SOX5: variants seen among roughly 807,000 people sequenced by gnomAD.
SOX5 encodes the protein SRY-box transcription factor 5, also known as transcription factor SOX-5.
SOX5 carries 9 observed loss-of-function variants against 92.0 expected under a neutral mutation model. The observed-to-expected ratio is 0.10, with a 90% CI of 0.06 to 0.17. SOX5 has a LOEUF of 0.17. SOX5 is among the 10% of genes least tolerant of loss of function. The pLI is 1.00. For missense variants in SOX5, 642 were observed against 944.5 expected, an observed-to-expected ratio of 0.68 and a Z score of 4.20; for synonymous variants, 344 against 336.3, an observed-to-expected ratio of 1.02 and a Z score of -0.25.
intron 4 of SOX5, among the ~76,000 whole-genome samples, chr12:24,153,009 C>T (rs1274757735): frequency 4.6e-5 from 7 of 152,088 alleles, no homozygotes; most frequent in East Asian, 1.9e-4. Flanking sequence ...AGTGTTCTCA[C>T]GCCCTATGTG....
At chr12:24,266,034 ATGTGTG>A (rs59696898) in intron 3 of SOX5, among the ~76,000 whole-genome samples, 9,229 of 127,560 alleles carry the variant, frequency 0.072, 323 homozygotes, top group Middle Eastern at 0.099. Flanking sequence ...ATGCCAGCTA[ATGTGTG>A]TGTGTGTGTG....
intron 1 of SOX5, among the ~76,000 whole-genome samples, chr12:24,548,453 T>C: frequency 6.6e-6 from 1 of 152,190 alleles, no homozygotes. Context: ...AGAAGCGTTG[T>C]ACAAAAGGAA....
intron 1 of SOX5, among the ~76,000 whole-genome samples, chr12:24,379,172 G>T (rs1257010362): frequency 6.6e-6 from 1 of 152,138 alleles, no homozygotes; most frequent in Non-Finnish European, 1.5e-5. Flanking sequence ...TCAAAACAGT[G>T]CACTCTCTTA....
intron 4 of SOX5, among the ~76,000 whole-genome samples, chr12:24,036,774 G>A (rs1003220217): frequency 3.3e-5 from 5 of 152,088 alleles, no homozygotes; most frequent in Non-Finnish European, 5.9e-5. Context: ...GCAGTGGGAG[G>A]TAAAACTAAA....
chr12:23,807,099 T>C (rs1303754282), intron 3 of SOX5, among the ~76,000 whole-genome samples: 1 of 150,586 alleles, frequency 6.6e-6, no homozygotes. Context: ...AAATTATGTA[T>C]TCTTCTTTTA....
rs1352959619 is a variant in SOX5 at position 24,393,701 on chromosome 12, AC to A, written c.-250-25063del. ...GTAGAAATTATTAAAATTTGGCAAA[AC>A]TTTTCTATTCTTTAAAAAATTATGA... On this transcript the variant is annotated intron_variant, in intron 1 of 4. Coordinates refer to the SOX5 transcript ENST00000446891. The surrounding 1 kb of genome is among the most constrained non-coding windows in gnomAD (Gnocchi z 5.0). Among the ~76,000 whole-genome samples, 2 of 152,168 alleles carry A rather than the reference AC, an allele frequency of 1.3e-5. No individual in the cohort carries two copies. The highest frequency in any genetic ancestry group is 2.4e-5 in the African/African-American group (1 of 41,450).
chr12:23,953,866 T>C (rs1047873071), upstream of SOX5, among the ~76,000 whole-genome samples: 1 of 151,976 alleles, frequency 6.6e-6, no homozygotes, highest in Non-Finnish European at 1.5e-5. Context: ...ATCGGTATAA[T>C]GGAAAATGGA....
intron 14 of SOX5, among the ~76,000 whole-genome samples, chr12:23,535,844 A>T (rs1940299201): frequency 6.6e-6 from 1 of 152,226 alleles, no homozygotes; most frequent in Non-Finnish European, 1.5e-5. Flanking sequence ...ATTCTATAGA[A>T]GCAATGCATT....
chr12:23,560,231 A>G lies in SOX5; in HGVS notation c.1488+3027T>C, dbSNP rs184163749. 2.6e-5 allele frequency among the ~76,000 whole-genome samples: 4 copies of G among 152,240 alleles called. No individual in the cohort carries two copies. In the East Asian group the frequency reaches 7.7e-4, roughly 29 times the overall value. On this transcript the variant is annotated intron_variant, in intron 11 of 14. Transcript: ENST00000451604. ...TGGCCGGGAGTATTACTTTAGACAG[A>G]AAAAAATGCCCTTCTTTTGGGATTC... is the stretch of plus-strand genomic sequence containing the variant.
chr12:24,111,627 A>C (rs538744184), intron 4 of SOX5, among the ~76,000 whole-genome samples: 1 of 152,296 alleles, frequency 6.6e-6, no homozygotes, highest in Non-Finnish European at 1.5e-5. Flanking sequence ...ATCTCTACTG[A>C]TTCTTAAAAC....
intron 4 of SOX5, among the ~76,000 whole-genome samples, chr12:24,185,047 A>T (rs1416442042): frequency 6.6e-6 from 1 of 152,060 alleles, no homozygotes; most frequent in South Asian, 2.1e-4. Context: ...AAGAAAGACA[A>T]CAGCATTGAC....
intron 2 of SOX5, among the ~76,000 whole-genome samples, chr12:23,877,317 T>C (rs962618950): frequency 2.6e-5 from 4 of 152,138 alleles, no homozygotes; most frequent in Admixed American, 2.0e-4. Context: ...AACAGCCTTA[T>C]TCAGAGTGGA....
intron 6 of SOX5, among the ~76,000 whole-genome samples, chr12:23,720,835 A>G (rs1190673567): frequency 1.3e-5 from 2 of 152,134 alleles, no homozygotes; most frequent in East Asian, 3.9e-4. Context: ...TTCCAGATAA[A>G]GTCAACATGA....
intron 8 of SOX5, among the ~76,000 whole-genome samples, chr12:23,633,595 G>A (rs1383828309): frequency 6.6e-6 from 1 of 151,964 alleles, no homozygotes; most frequent in Non-Finnish European, 1.5e-5. Flanking sequence ...GTAAAAAAGA[G>A]TACTTGAGGA....
At chr12:24,242,485 T>C (rs1565733069) in intron 3 of SOX5, among the ~76,000 whole-genome samples, 2 of 152,170 alleles carry the variant, frequency 1.3e-5, no homozygotes, top group African/African-American at 2.4e-5. Flanking sequence ...CACTGGAAGA[T>C]AAGAAATAGA....
At chr12:23,613,241 G>A (rs1027070046) in intron 8 of SOX5, among the ~76,000 whole-genome samples, 13 of 151,806 alleles carry the variant, frequency 8.6e-5, no homozygotes, top group South Asian at 4.2e-4. Flanking sequence ...TCATTCTCCC[G>A]TCTTGACAAA....
intron 3 of SOX5, among the ~76,000 whole-genome samples, chr12:23,802,661 T>A (rs566366563): frequency 6.6e-6 from 1 of 152,346 alleles, no homozygotes; most frequent in African/African-American, 2.4e-5. Flanking sequence ...TCCCCAGATA[T>A]GATAGATGAT....
intron 4 of SOX5, among the ~76,000 whole-genome samples, chr12:24,135,329 C>A (rs1241360241): frequency 6.6e-6 from 1 of 152,168 alleles, no homozygotes. Context: ...CAGTAAGAAG[C>A]CAACCTAACA....
At chr12:24,263,872 T>C (rs1452645293) in intron 3 of SOX5, among the ~76,000 whole-genome samples, 6 of 152,214 alleles carry the variant, frequency 3.9e-5, no homozygotes, top group Non-Finnish European at 5.9e-5. Context: ...TGCACACTTG[T>C]ACTTTCTAGT....
Sources: gnomAD v4.1 joint callset for allele counts (sites outside exome capture counted in the v4.1 genomes callset) on GRCh38, gnomAD v4.1.1 for gene constraint, Gnocchi (gnomAD v3.1) non-coding constraint, MANE v1.5 for transcripts, NCBI Gene and HGNC (gene_info 2026-07-23, HGNC 2026-07-21) for gene names.